The following PAPPA2 variants were observed in gnomAD, a reference collection of about 807,000 sequenced individuals.
PAPPA2 encodes the protein pappalysin-2.
PAPPA2 carries 86 observed loss-of-function variants against 176.4 expected under a neutral mutation model. The ratio of observed to expected loss-of-function variants is 0.49; its 90% CI spans 0.41 to 0.58. The LOEUF is 0.58. Among genes scored for constraint, PAPPA2 ranks in the 20% least tolerant of loss-of-function variants. The pLI is 0.00. For missense variants in PAPPA2, 2,073 were observed against 2,256.9 expected (o/e 0.92, Z 1.65); for synonymous variants, 809 against 852.2 (o/e 0.95, Z 0.88).
chr1:176,483,259 G>A (rs1417064325), intron 1 of PAPPA2, among the ~76,000 whole-genome samples: 1 of 152,024 alleles, frequency 6.6e-6, no homozygotes, highest in Admixed American at 6.5e-5. Context: ...CGACACTAGT[G>A]ATCTGAACAG....
intron 3 of PAPPA2, among the ~76,000 whole-genome samples, chr1:176,623,627 TTTA>T (rs1655749169): frequency 4.9e-5 from 4 of 81,898 alleles, no homozygotes; most frequent in East Asian, 4.2e-4. Context: ...TCCTTCCTTT[TTTA>T]CTTTCTTTCT....
chr1:176,740,961 G>C (rs1571256499), intron 14 of PAPPA2, among the ~76,000 whole-genome samples: 1 of 152,016 alleles, frequency 6.6e-6, no homozygotes, highest in African/African-American at 2.4e-5. Context: ...ACAAAAGCTG[G>C]GGTTCCAAGA....
chr1:176,584,707 C>A (rs1237248317), intron 2 of PAPPA2, among the ~76,000 whole-genome samples: 6 of 126,046 alleles, frequency 4.8e-5, no homozygotes, highest in Admixed American at 1.7e-4. Context: ...GCATGGTTTT[C>A]TGCAGTGATA....
At chr1:176,693,796 A>G (rs546687153) in intron 6 of PAPPA2, among the ~76,000 whole-genome samples, 1 of 152,220 alleles carries the variant, frequency 6.6e-6, no homozygotes, top group East Asian at 1.9e-4. Context: ...TGTGAGAATC[A>G]TCTTCCTGCA....
chr1:176,694,467 A>G (rs1174626554), intron 6 of PAPPA2, among the ~76,000 whole-genome samples: 2 of 152,252 alleles, frequency 1.3e-5, no homozygotes, highest in African/African-American at 4.8e-5. Context: ...ACAGCGGCAC[A>G]ATGCCAGTTA....
chr1:176,623,683 TTCTCTCTC>T (rs1232403745), intron 3 of PAPPA2, among the ~76,000 whole-genome samples: 2 of 146,982 alleles, frequency 1.4e-5, no homozygotes. Flanking sequence ...CTTTCTTTCT[TTCTCTCTC>T]TCTTTCCTTT....
intron 3 of PAPPA2, among the ~76,000 whole-genome samples, chr1:176,614,534 A>G (rs1655101596): frequency 6.6e-6 from 1 of 152,226 alleles, no homozygotes; most frequent in African/African-American, 2.4e-5. Context: ...GGGCCTTCTC[A>G]GATATCTAGA....
chr1:176,790,263 C>G (rs958394029), intron 18 of PAPPA2, among the ~76,000 whole-genome samples: 1 of 152,078 alleles, frequency 6.6e-6, no homozygotes, highest in African/African-American at 2.4e-5. Flanking sequence ...AATGTGATCT[C>G]CTCTCATGGA....
Position 176,690,377 on chromosome 1 carries a change from G to C in PAPPA2, c.2378G>C (p.Cys793Ser). ...CREPEPTSDTCGFTRFPGAPF... is the reference protein window; with the variant it reads ...CREPEPTSDTSGFTRFPGAPF... Reference sequence around the variant, plus strand: ...GAACCAGAGCCCACTAGTGACACCTGTGGCTTCACTCGCTTCCCAGGGGCT... The same window carrying C: ...GAACCAGAGCCCACTAGTGACACCTCTGGCTTCACTCGCTTCCCAGGGGCT... Residue 793 changes from cysteine to serine, a missense_variant, in exon 5 of 23, where the codon TGT becomes TCT. Around this residue, in one of 4 missense-constraint regions of PAPPA2, gnomAD observed 1,196 missense variants for 1,330.4 expected, o/e 0.90. Transcript: ENST00000367662. 6.2e-7 allele frequency: 1 copy of C among 1,614,166 alleles called. No homozygotes were observed. Among genetic ancestry groups the C allele is most frequent in the Non-Finnish European group, 8.5e-7 (1 of 1,180,016 alleles).
chr1:176,551,148 T>C (rs995762034), intron 1 of PAPPA2, among the ~76,000 whole-genome samples: 2 of 152,124 alleles, frequency 1.3e-5, no homozygotes, highest in Non-Finnish European at 2.9e-5. Flanking sequence ...CCCCGAAAGA[T>C]AGAGCCCGAC....
At chr1:176,704,257 T>C (rs1876259) in intron 9 of PAPPA2, among the ~76,000 whole-genome samples, 11,454 of 152,276 alleles carry the variant, frequency 0.075, 473 homozygotes, top group South Asian at 0.14. Context: ...TATCAAAATG[T>C]TCCTTGAAAC....
At chr1:176,525,262 A>C (rs1382064635) in intron 1 of PAPPA2, among the ~76,000 whole-genome samples, 2 of 151,974 alleles carry the variant, frequency 1.3e-5, no homozygotes, top group Non-Finnish European at 2.9e-5. Context: ...GTTGAGCAAG[A>C]CTCTTCTGGT....
intron 1 of PAPPA2, among the ~76,000 whole-genome samples, chr1:176,507,582 A>G (rs1648348511): frequency 6.6e-6 from 1 of 152,212 alleles, no homozygotes; most frequent in Non-Finnish European, 1.5e-5. Flanking sequence ...GTACATATAC[A>G]TCATGGAATA....
At chr1:176,832,353 A>G (rs1667110179) in intron 21 of PAPPA2, among the ~76,000 whole-genome samples, 1 of 152,152 alleles carries the variant, frequency 6.6e-6, no homozygotes, top group Non-Finnish European at 1.5e-5. Flanking sequence ...ATGTAAAACC[A>G]TACGCTGTGC....
Position 176,771,719 on chromosome 1 carries a change from T to C in PAPPA2, c.4715+539T>C, listed in dbSNP as rs189137184. 6.6e-5 allele frequency among the ~76,000 whole-genome samples: 10 copies of C among 152,370 alleles called. No individual in the cohort carries two copies. The East Asian group carries it at 1.9e-3, about 29-fold the overall frequency. On this transcript the variant is annotated intron_variant, in intron 17 of 22. Transcript: ENST00000367662. ...CTCATTTTGGCTATTAATATTGTTA[T>C]TATATCTTTCTCCTTTCTTCTTCCT...
Position 176,842,480 on chromosome 1 carries a change from C to G in PAPPA2, c.*26C>G. ...CTGTGGGAACAAGCCCCTCCCTCCA[C>G]TGCCTCAGAGGCAGTAAGAAAGAGA... On this transcript the variant is annotated 3_prime_UTR_variant, in exon 23 of 23. Transcript: ENST00000367662. 6.2e-7 allele frequency: 1 copy of G among 1,600,946 alleles called. No individual in the cohort carries two copies. The highest frequency in any genetic ancestry group is 8.6e-7 in the Non-Finnish European group (1 of 1,168,678).
In PAPPA2 at chr1:176,527,105, C is replaced by T. The variant is rs558865078; in HGVS notation, c.-916-28302C>T. On this transcript the variant is annotated intron_variant, in intron 1 of 22. Coordinates refer to ENST00000367662, the MANE Select transcript of PAPPA2 (RefSeq NM_020318.3). ...AGGATTACAGGCATGAGCCACTATG[C>T]GTGTCTTGAATAAAACTATTTAAAC... Among the ~76,000 whole-genome samples the T allele has an allele frequency of 3.9e-5, 6 of 152,114 alleles. No homozygotes were observed. In the East Asian group the frequency reaches 5.8e-4, roughly 15 times the overall value.
rs3039065 is a variant in PAPPA2, at chr1:176,690,911, TAAAAA to T, written c.2431+497_2431+501del. 24 of 936,828 alleles carry T rather than the reference TAAAAA, an allele frequency of 2.6e-5. No homozygotes were observed. In the Admixed American group the frequency reaches 2.7e-4, roughly 11 times the overall value. The allele number at this position is 936,828 out of a possible 1,614,324, so 58.0% of individuals were successfully genotyped here. On this transcript the variant is annotated intron_variant, in intron 5 of 22. Transcript: ENST00000367662. ...CTCAGCATGTTTTACTGTATGTTAC[TAAAAA>T]AAAAAAAAAAAAAAATCAGATTCTC...
intron 12 of PAPPA2, among the ~76,000 whole-genome samples, chr1:176,716,616 T>G (rs573011879): frequency 1.6e-4 from 23 of 144,988 alleles, no homozygotes; most frequent in African/African-American, 4.4e-4. Flanking sequence ...TTTTTTTTTT[T>G]TTTTTTGTTT....
Sources: allele counts gnomAD v4.1 joint callset (sites outside exome capture counted in the v4.1 genomes callset), GRCh38; gene constraint gnomAD v4.1.1; regional missense constraint gnomAD v4.1.1; transcripts MANE v1.5; gene names NCBI Gene and HGNC (gene_info 2026-07-23, HGNC 2026-07-21).